Variants in CSMD1 observed in about 807,000 individuals in gnomAD.
The protein encoded by CSMD1 is CUB and Sushi multiple domains 1.
Under a neutral mutation model 417.5 loss-of-function variants are expected in CSMD1, and 213 were observed. The ratio of observed to expected loss-of-function variants is 0.51; its 90% CI spans 0.46 to 0.57. CSMD1 has a LOEUF of 0.57. Ranked by LOEUF, CSMD1 falls within the 20% of genes least tolerant of loss-of-function variation. The probability of loss-of-function intolerance (pLI) is 0.00; values close to 1 mark genes in which losing one functional copy is unlikely to be tolerated. For synonymous variants in CSMD1, 2,862 were observed against 1,736.8 expected, an observed-to-expected ratio of 1.65 and a Z score of -16.11; for missense variants, 6,923 against 4,529.7, an observed-to-expected ratio of 1.53 and a Z score of -15.17.
chr8:3,594,943 TCTC>T (rs1450439051), intron 8 of CSMD1, among the ~76,000 whole-genome samples: 11 of 152,080 alleles, frequency 7.2e-5, no homozygotes, highest in Admixed American at 5.2e-4. Flanking sequence ...ATTCAGAACA[TCTC>T]CTAGATGTGG....
intron 1 of CSMD1, among the ~76,000 whole-genome samples, chr8:4,983,339 G>A (rs567805627): frequency 1.2e-4 from 18 of 152,076 alleles, no homozygotes; most frequent in Non-Finnish European, 2.2e-4. Context: ...AAAAATAATG[G>A]CTGGAATCAA....
intron 3 of CSMD1, among the ~76,000 whole-genome samples, chr8:4,149,666 G>C (rs1401328460): frequency 3.3e-5 from 5 of 152,196 alleles, no homozygotes; most frequent in Non-Finnish European, 5.9e-5. Context: ...AGGATGCTAA[G>C]TGCTACACTG....
intron 3 of CSMD1, among the ~76,000 whole-genome samples, chr8:4,245,279 A>G (rs907921009): frequency 6.6e-6 from 1 of 152,166 alleles, no homozygotes; most frequent in African/African-American, 2.4e-5. Context: ...ATAACTCTAC[A>G]TATGTTAACA....
intron 1 of CSMD1, among the ~76,000 whole-genome samples, chr8:4,764,906 A>ACAACAACAAC (rs202247709): frequency 1.4e-5 from 2 of 147,768 alleles, no homozygotes; most frequent in Non-Finnish European, 3.0e-5. Flanking sequence ...AACAACAACA[A>ACAACAACAAC]AAAAAAACCT....
chr8:4,000,356 G>C (rs573214066), intron 4 of CSMD1, among the ~76,000 whole-genome samples: 2 of 152,360 alleles, frequency 1.3e-5, no homozygotes, highest in East Asian at 1.9e-4. Flanking sequence ...TACTGGGAAT[G>C]TGATCATACA....
chr8:3,752,284 AAAG>A (rs1244548234), intron 6 of CSMD1, among the ~76,000 whole-genome samples: 4 of 152,186 alleles, frequency 2.6e-5, no homozygotes, highest in East Asian at 1.9e-4. Context: ...CTTTGCAACC[AAAG>A]AAGATCAAGC....
intron 40 of CSMD1, among the ~76,000 whole-genome samples, chr8:3,144,436 A>G (rs1314802948): frequency 6.6e-6 from 1 of 152,160 alleles, no homozygotes; most frequent in Non-Finnish European, 1.5e-5. Context: ...TGAGGAGACA[A>G]AATACAGAAG....
At chr8:3,321,251 A>G (rs941437045) in intron 23 of CSMD1, among the ~76,000 whole-genome samples, 1 of 152,064 alleles carries the variant, frequency 6.6e-6, no homozygotes, top group Non-Finnish European at 1.5e-5. Flanking sequence ...TCGCCAAGAC[A>G]CCATGGTGAG....
rs550249764 is a variant in CSMD1 at position 3,274,828 on chromosome 8, C to A, written c.4153+9316G>T. On this transcript the variant is annotated intron_variant, in intron 26 of 69. Coordinates refer to ENST00000635120, the MANE Select transcript of CSMD1 (RefSeq NM_033225.6). ...ATTTTGAGCCTATGTGTGTCTGTACCCGTGAGATGTGTTTCCTGAATAGTG... is the reference window on the plus strand; with the variant it reads ...ATTTTGAGCCTATGTGTGTCTGTACACGTGAGATGTGTTTCCTGAATAGTG... Among the ~76,000 whole-genome samples, 533 of 152,112 alleles carry A rather than the reference C, an allele frequency of 3.5e-3. 2 individuals are homozygous for A. The highest frequency in any genetic ancestry group is 6.4e-3 in the Non-Finnish European group (437 of 68,000).
At chr8:4,409,003 C>T (rs1796498098) in intron 3 of CSMD1, among the ~76,000 whole-genome samples, 1 of 152,174 alleles carries the variant, frequency 6.6e-6, no homozygotes, top group Admixed American at 6.6e-5. Flanking sequence ...GATTTAAGAA[C>T]TCTGAAGACA....
At chr8:4,718,136 G>A (rs1808806989) in intron 1 of CSMD1, among the ~76,000 whole-genome samples, 1 of 151,996 alleles carries the variant, frequency 6.6e-6, no homozygotes, top group Admixed American at 6.6e-5. Flanking sequence ...ACCATGCCCA[G>A]CATATATTTT....
intron 3 of CSMD1, among the ~76,000 whole-genome samples, chr8:4,353,239 G>C (rs972044869): frequency 1.3e-5 from 2 of 152,064 alleles, no homozygotes; most frequent in Non-Finnish European, 2.9e-5. Context: ...GTTTCCCCCA[G>C]ACTGTTCTTC....
chr8:3,657,681 A>G (rs889565824), intron 7 of CSMD1, among the ~76,000 whole-genome samples: 3 of 152,100 alleles, frequency 2.0e-5, no homozygotes, highest in Non-Finnish European at 4.4e-5. Flanking sequence ...AACATCACAC[A>G]CCAGGGCCTG....
chr8:4,604,804 G>C (rs1307663736), intron 2 of CSMD1, among the ~76,000 whole-genome samples: 1 of 152,104 alleles, frequency 6.6e-6, no homozygotes, highest in Non-Finnish European at 1.5e-5. Context: ...TCAATATTTA[G>C]TTGTACCTCC....
chr8:4,715,138 C>A (rs368804424), intron 1 of CSMD1, among the ~76,000 whole-genome samples: 84 of 152,226 alleles, frequency 5.5e-4, no homozygotes, highest in African/African-American at 2.0e-3. Flanking sequence ...GTAAGATTAA[C>A]GTAACTATAA....
At chr8:4,875,640 A>G (rs563498112) in intron 1 of CSMD1, among the ~76,000 whole-genome samples, 1 of 152,136 alleles carries the variant, frequency 6.6e-6, no homozygotes, top group African/African-American at 2.4e-5. Context: ...ATGATTGGAA[A>G]AAGAAGAGAA....
chr8:4,138,331 T>C (rs148178680), intron 3 of CSMD1, among the ~76,000 whole-genome samples: 12,434 of 96,622 alleles, frequency 0.13, 3,100 homozygotes, highest in Non-Finnish European at 0.2. Context: ...ATTTACACAT[T>C]TGAGTTGTGG....
chr8:4,320,039 A>T lies in CSMD1; in HGVS notation c.415+99914T>A, dbSNP rs534596697. On this transcript the variant is annotated intron_variant, in intron 3 of 69. Coordinates refer to ENST00000635120, the MANE Select transcript of CSMD1 (RefSeq NM_033225.6). ...CAAAGTACCACCTCAACAATGAAAA[A>T]AATGAGTAGTAAACAAAAGACTTCG... Among the ~76,000 whole-genome samples, 13 of 152,342 alleles carry T rather than the reference A, an allele frequency of 8.5e-5. No individual in the cohort carries two copies. In the East Asian group the frequency reaches 2.5e-3, roughly 29 times the overall value.
intron 5 of CSMD1, among the ~76,000 whole-genome samples, chr8:3,915,146 C>T (rs1427177994): frequency 6.6e-6 from 1 of 152,046 alleles, no homozygotes; most frequent in Non-Finnish European, 1.5e-5. Context: ...TAGTTCACGC[C>T]TGTAATCCCA....
Sources: gnomAD v4.1 joint callset for allele counts (sites outside exome capture counted in the v4.1 genomes callset) on GRCh38, gnomAD v4.1.1 for gene constraint, MANE v1.5 for transcripts, NCBI Gene and HGNC (gene_info 2026-07-23, HGNC 2026-07-21) for gene names.